The following COL4A2 variants were observed in gnomAD, a reference collection of about 807,000 sequenced individuals.
COL4A2 encodes collagen type IV alpha 2 chain.
Under a neutral mutation model 200.2 loss-of-function variants are expected in COL4A2, and 99 were observed. The observed-to-expected ratio is 0.49, with a 90% CI of 0.42 to 0.58. The LOEUF is 0.58. Among genes scored for constraint, COL4A2 ranks in the 20% least tolerant of loss-of-function variants. COL4A2 has a pLI of 0.00. For missense variants in COL4A2, 1,950 were observed against 2,314.1 expected, an observed-to-expected ratio of 0.84 and a Z score of 3.23; for synonymous variants, 897 against 900.6, an observed-to-expected ratio of 1.00 and a Z score of 0.07.
chr13:110,369,872 G>A (rs886140021), intron 4 of COL4A2, among the ~76,000 whole-genome samples: 3 of 151,990 alleles, frequency 2.0e-5, no homozygotes, highest in Non-Finnish European at 4.4e-5. Flanking sequence ...TTCATTGATC[G>A]CAGCACAGCA....
intron 20 of COL4A2, among the ~76,000 whole-genome samples, chr13:110,455,341 C>T (rs1022255431): frequency 3.3e-5 from 5 of 152,190 alleles, no homozygotes; most frequent in Admixed American, 1.3e-4. Context: ...TGTCCTCACT[C>T]TGGAGCATTC....
chr13:110,349,361 C>G (rs962582503), intron 3 of COL4A2, among the ~76,000 whole-genome samples: 4 of 152,184 alleles, frequency 2.6e-5, no homozygotes, highest in Non-Finnish European at 2.9e-5. Context: ...GGGACTCTCC[C>G]TCTGCCTGGT....
chr13:110,404,391 G>A (rs749666410), intron 4 of COL4A2, among the ~76,000 whole-genome samples: 3 of 152,180 alleles, frequency 2.0e-5, no homozygotes, highest in Admixed American at 6.5e-5. Context: ...CACCTACTGC[G>A]TGAAGGGTTC....
At position 110,458,839 on chromosome 13, in the gene COL4A2, C is replaced by A; in HGVS notation, c.1501C>A (p.Pro501Thr). ...CAAAGGTCTTCCGGGACTGCCAGGA[C>A]CCAAGGGCTTCGCAGGCATCAACGG... ...AIKGLPGLPG[P>T]KGFAGINGEP... Residue 501 changes from proline (P) to threonine (T), a missense_variant, in exon 22 of 48, where the codon CCC becomes ACC. Pro to Thr is a conservative substitution (Grantham distance 38). Transcript: ENST00000360467. 6.2e-7 allele frequency: 1 copy of A among 1,613,766 alleles called. No homozygotes were observed. The highest frequency in any genetic ancestry group is 8.5e-7 in the Non-Finnish European group (1 of 1,179,876).
chr13:110,493,822 G>GA (rs1215767572), intron 39 of COL4A2, among the ~76,000 whole-genome samples: 3 of 151,890 alleles, frequency 2.0e-5, no homozygotes, highest in Admixed American at 6.6e-5. Flanking sequence ...CGGGTTCTGG[G>GA]GGGGGCCGCG....
chr13:110,345,868 C>T (rs1876676779), intron 3 of COL4A2, among the ~76,000 whole-genome samples: 1 of 152,216 alleles, frequency 6.6e-6, no homozygotes, highest in Non-Finnish European at 1.5e-5. Context: ...TGTGCCTGGG[C>T]ATGTGTACCT....
intron 34 of COL4A2, 143 bp downstream of exon 34, chr13:110,485,979 C>T: frequency 7.5e-7 from 1 of 1,328,794 alleles, no homozygotes; most frequent in Non-Finnish European, 1.0e-6. Flanking sequence ...GGGGTCCACA[C>T]AGCCCTGGAA....
rs562149785 is a variant in COL4A2 at position 110,477,960 on chromosome 13, G to A, written c.2426-43G>A. The stretch of plus-strand genomic sequence containing the variant: ...AGGGAGATGCTGTCTGTGATGAACA[G>A]TCCAGAGTTGGCCCCCACAGCTCTT... On this transcript the variant is annotated intron_variant, in intron 29 of 47. Coordinates refer to ENST00000360467, the MANE Select transcript of COL4A2 (RefSeq NM_001846.4). 114 of 1,504,204 alleles carry A rather than the reference G, an allele frequency of 7.6e-5. No individual in the cohort carries two copies. The South Asian group carries it at 1.4e-3, about 19-fold the overall frequency. The allele number at this position is 1,504,204 out of a possible 1,614,324, so 93.2% of individuals were successfully genotyped here. A position where few individuals can be genotyped will look rare whatever the true frequency, so the allele number is the denominator to read the frequency against.
intron 11 of COL4A2, among the ~76,000 whole-genome samples, chr13:110,433,737 C>T (rs891450699): frequency 6.6e-6 from 1 of 152,218 alleles, no homozygotes; most frequent in Admixed American, 6.5e-5. Context: ...GTGATGTGCA[C>T]AAATTTGTCA....
intron 20 of COL4A2, among the ~76,000 whole-genome samples, chr13:110,451,143 A>C (rs1318958057): frequency 1.3e-5 from 2 of 152,146 alleles, no homozygotes; most frequent in Non-Finnish European, 2.9e-5. Flanking sequence ...ACGTTAGGTG[A>C]CTCAACTTGA....
At chr13:110,322,306 C>G (rs1488081946) in intron 3 of COL4A2, among the ~76,000 whole-genome samples, 2 of 152,136 alleles carry the variant, frequency 1.3e-5, no homozygotes, top group Non-Finnish European at 1.5e-5. Flanking sequence ...ACCACTCTCC[C>G]GAAGGAGGTT....
chr13:110,352,949 C>T (rs1877026992), intron 3 of COL4A2, among the ~76,000 whole-genome samples: 1 of 152,186 alleles, frequency 6.6e-6, no homozygotes, highest in African/African-American at 2.4e-5. Context: ...GTAGGAGCTG[C>T]AGGAACCTCC....
chr13:110,403,207 A>G (rs1331869843), intron 4 of COL4A2, among the ~76,000 whole-genome samples: 1 of 151,198 alleles, frequency 6.6e-6, no homozygotes, highest in Non-Finnish European at 1.5e-5. Flanking sequence ...CATGTTTTCT[A>G]CTCTTCTACT....
intron 4 of COL4A2, among the ~76,000 whole-genome samples, chr13:110,423,258 C>G: frequency 3.2e-5 from 1 of 31,728 alleles, no homozygotes; most frequent in African/African-American, 5.8e-5. Flanking sequence ...AACTTCCCCT[C>G]CCCTCCTTTC....
chr13:110,317,540 C>T (rs929729221), intron 3 of COL4A2, among the ~76,000 whole-genome samples: 13 of 150,776 alleles, frequency 8.6e-5, no homozygotes, highest in Admixed American at 7.4e-4. Flanking sequence ...TGGACAGAGG[C>T]GGGAGGGTGA....
Position 110,510,851 on chromosome 13 carries a change from A to C in COL4A2, c.4882-1083A>C, listed in dbSNP as rs115124127. On this transcript the variant is annotated intron_variant, in intron 47 of 47. Transcript: ENST00000360467. ...CCTCAGCTCCTTCAGACCAAAGTGA[A>C]GCCGGAGGTGCCCTGGAGGACGTCT... 3.4e-3 allele frequency among the ~76,000 whole-genome samples: 516 copies of C among 152,354 alleles called. 3 individuals carry two copies. Among genetic ancestry groups the C allele is most frequent in the African/African-American group, 0.011 (460 of 41,590 alleles).
At chr13:110,454,606 G>C (rs931393476) in intron 20 of COL4A2, among the ~76,000 whole-genome samples, 1 of 152,082 alleles carries the variant, frequency 6.6e-6, no homozygotes, top group Non-Finnish European at 1.5e-5. Context: ...GCAGTGCGGG[G>C]TGCGGCCGCC....
Position 110,449,753 on chromosome 13 carries a change from C to T in COL4A2, c.1153C>T (p.Leu385Phe). ...CCAGGGTGAGCCAGGAGACCCGGGC[C>T]TCCCAGGTCCCCCTGGCCTCTCCAT... is the stretch of plus-strand genomic sequence containing the variant. ...GSQGEPGDPG[L>F]PGPPGLSIGD... Residue 385 changes from leucine to phenylalanine, a missense_variant, in exon 19 of 48, where the codon CTC becomes TTC. By Grantham distance (22) the Leu-to-Phe change is conservative. Transcript: ENST00000360467. 1 of 1,548,934 alleles carries T rather than the reference C, an allele frequency of 6.5e-7. No homozygotes were observed. Among genetic ancestry groups the T allele is most frequent in the Non-Finnish European group, 8.7e-7 (1 of 1,146,632 alleles).
At chr13:110,467,762 A>T (rs1437415822) in intron 27 of COL4A2, among the ~76,000 whole-genome samples, 1 of 152,202 alleles carries the variant, frequency 6.6e-6, no homozygotes, top group Non-Finnish European at 1.5e-5. Flanking sequence ...GGGAACACAG[A>T]GCCAGGGCTT....
Sources: allele counts gnomAD v4.1 joint callset (sites outside exome capture counted in the v4.1 genomes callset), GRCh38; gene constraint gnomAD v4.1.1; transcripts MANE v1.5; gene names NCBI Gene and HGNC (gene_info 2026-07-23, HGNC 2026-07-21).